RALYL: variants seen among roughly 807,000 people sequenced by gnomAD.
RALYL encodes RALY RNA binding protein like, also known as RNA-binding Raly-like protein.
A neutral mutation model predicts 35.1 loss-of-function variants in RALYL; 29 were observed. That is an observed-to-expected ratio of 0.83 (90% confidence interval 0.61 to 1.13). The LOEUF is 1.13. RALYL is among the 50% of genes most tolerant of loss of function. RALYL has a pLI of 0.00. For synonymous variants in RALYL, 120 were observed against 127.6 expected (o/e 0.94, Z 0.40); for missense variants, 359 against 360.4 (o/e 1.00, Z 0.03).
chr8:84,278,337 G>C lies in RALYL; in HGVS notation c.-24+93913G>C, dbSNP rs958781862. On this transcript the variant is annotated intron_variant, in intron 1 of 8. Coordinates refer to ENST00000521268, the MANE Select transcript of RALYL (RefSeq NM_173848.7). ...GTGCCATGTCCCAAAGCTGCATCAA[G>C]TGGGGTCCCTGGGCCTGGCCCAATA... Among the ~76,000 whole-genome samples the C allele has an allele frequency of 2.6e-5, 4 of 152,234 alleles. No individual in the cohort carries two copies. The East Asian group carries it at 7.7e-4, about 29-fold the overall frequency.
intron 2 of RALYL, among the ~76,000 whole-genome samples, chr8:84,612,564 T>C (rs1311967461): frequency 1.3e-5 from 2 of 151,852 alleles, no homozygotes; most frequent in African/African-American, 2.4e-5. Context: ...AGAAGAGAGA[T>C]GTGCAAGGAC....
rs546905501 is a variant in RALYL, at chr8:84,908,591, C to G, written c.859-12303C>G. On this transcript the variant is annotated intron_variant, in intron 8 of 8. Transcript: ENST00000521268. ...TGTATATATGCCACATTTTCTTTAT[C>G]CATTCACCCATTGTTAGAAACTCAG... is the stretch of plus-strand genomic sequence containing the variant. 2.1e-4 allele frequency among the ~76,000 whole-genome samples: 32 copies of G among 152,208 alleles called. No homozygotes were observed. The East Asian group carries it at 6.0e-3, about 28-fold the overall frequency.
intron 1 of RALYL, among the ~76,000 whole-genome samples, chr8:84,481,336 T>G (rs955884226): frequency 2.0e-5 from 3 of 152,180 alleles, no homozygotes; most frequent in African/African-American, 7.2e-5. Context: ...TTTGTTGCTG[T>G]TGTTTGTTTC....
chr8:84,746,196 A>T (rs1397319796), intron 2 of RALYL, among the ~76,000 whole-genome samples: 3 of 152,072 alleles, frequency 2.0e-5, no homozygotes, highest in African/African-American at 7.2e-5. Flanking sequence ...AAATCACTTG[A>T]GAGGAAATGT....
At chr8:84,264,384 A>G (rs1449027019) in intron 1 of RALYL, among the ~76,000 whole-genome samples, 1 of 145,406 alleles carries the variant, frequency 6.9e-6, no homozygotes, top group Non-Finnish European at 1.5e-5. Flanking sequence ...AGCTTTTTTC[A>G]TATGTTTCGT....
intron 1 of RALYL, among the ~76,000 whole-genome samples, chr8:84,232,698 A>G (rs964270201): frequency 1.1e-4 from 16 of 152,118 alleles, no homozygotes; most frequent in Admixed American, 4.6e-4. Flanking sequence ...ACAAAACTTC[A>G]TGTTGTTTTG....
intron 2 of RALYL, among the ~76,000 whole-genome samples, chr8:84,751,179 C>G (rs760715131): frequency 1.3e-5 from 2 of 152,162 alleles, no homozygotes; most frequent in Middle Eastern, 3.4e-3. Context: ...GTCTGACACC[C>G]AGTTGGTAAA....
At chr8:84,333,908 C>T (rs1847290791) in intron 1 of RALYL, among the ~76,000 whole-genome samples, 1 of 152,078 alleles carries the variant, frequency 6.6e-6, no homozygotes, top group Admixed American at 6.6e-5. Context: ...CCCCTTGGGA[C>T]ACGGTCTCAC....
At chr8:84,854,320 T>G (rs1836509496) in intron 5 of RALYL, among the ~76,000 whole-genome samples, 1 of 150,850 alleles carries the variant, frequency 6.6e-6, no homozygotes, top group Non-Finnish European at 1.5e-5. Flanking sequence ...CACTCCAGCC[T>G]GGGGACAGAG....
rs182278376 is a variant in RALYL, at chr8:84,604,172, A to G, written c.256+74595A>G. 5.9e-5 allele frequency among the ~76,000 whole-genome samples: 9 copies of G among 152,260 alleles called. No individual in the cohort carries two copies. The East Asian group carries it at 1.2e-3, about 20-fold the overall frequency. On this transcript the variant is annotated intron_variant, in intron 2 of 8. Transcript: ENST00000521268. ...TGACAGCACAGCTTTAGATTAATCTATTTGAATCTCTTACAATAAATAATC... is the reference window on the plus strand; with the variant it reads ...TGACAGCACAGCTTTAGATTAATCTGTTTGAATCTCTTACAATAAATAATC...
rs544449011 is a variant in RALYL at position 84,409,787 on chromosome 8, C to A, written c.-23-119512C>A. 1.6e-4 allele frequency among the ~76,000 whole-genome samples: 24 copies of A among 152,030 alleles called. No individual in the cohort carries two copies. The East Asian group carries it at 4.6e-3, about 29-fold the overall frequency. ...ACATTACCAGGTATCTCTATTTATT[C>A]TTTTAGAGCACAAATCCACTTTTTC... On this transcript the variant is annotated intron_variant, in intron 1 of 8. Transcript: ENST00000521268.
chr8:84,562,374 T>C (rs2061518854), intron 2 of RALYL, among the ~76,000 whole-genome samples: 1 of 151,998 alleles, frequency 6.6e-6, no homozygotes, highest in South Asian at 2.1e-4. Flanking sequence ...CTACGTTTAA[T>C]GGTATCAAAA....
At chr8:84,397,785 GC>G (rs141705580) in intron 1 of RALYL, among the ~76,000 whole-genome samples, 4,497 of 152,248 alleles carry the variant, frequency 0.03, 219 homozygotes, top group African/African-American at 0.1. Flanking sequence ...TCGCAGACAA[GC>G]AAAAAGCTGA....
At chr8:84,549,236 A>G (rs1054476436) in intron 2 of RALYL, among the ~76,000 whole-genome samples, 5 of 152,220 alleles carry the variant, frequency 3.3e-5, no homozygotes, top group Admixed American at 3.3e-4. Flanking sequence ...GAAAGTAGCC[A>G]AGTAAAACAA....
intron 1 of RALYL, among the ~76,000 whole-genome samples, chr8:84,448,308 A>G (rs1481743928): frequency 6.6e-6 from 1 of 152,078 alleles, no homozygotes; most frequent in African/African-American, 2.4e-5. Context: ...CAAGCCATAT[A>G]ACGTTGTGCC....
intron 5 of RALYL, among the ~76,000 whole-genome samples, chr8:84,851,702 C>T (rs1285567080): frequency 6.6e-6 from 1 of 152,074 alleles, no homozygotes; most frequent in East Asian, 1.9e-4. Context: ...ATGTTTCTTC[C>T]TGCCTCAGGT....
intron 2 of RALYL, among the ~76,000 whole-genome samples, chr8:84,746,782 C>A (rs1473842030): frequency 6.6e-6 from 1 of 151,738 alleles, no homozygotes; most frequent in Non-Finnish European, 1.5e-5. Flanking sequence ...ATAATAAAGT[C>A]ATTTAAAATA....
At chr8:84,308,285 C>A (rs1016660373) in intron 1 of RALYL, among the ~76,000 whole-genome samples, 2 of 152,054 alleles carry the variant, frequency 1.3e-5, no homozygotes, top group African/African-American at 4.8e-5. Flanking sequence ...TCGTATGCCT[C>A]TGTGAAGCAC....
intron 4 of RALYL, among the ~76,000 whole-genome samples, chr8:84,836,560 A>G (rs916495718): frequency 6.6e-6 from 1 of 152,242 alleles, no homozygotes; most frequent in Non-Finnish European, 1.5e-5. Flanking sequence ...ATATGTGTGC[A>G]TACGTATTGG....
Sources: gnomAD v4.1 joint callset for allele counts (sites outside exome capture counted in the v4.1 genomes callset) on GRCh38, gnomAD v4.1.1 for gene constraint, MANE v1.5 for transcripts, NCBI Gene and HGNC (gene_info 2026-07-23, HGNC 2026-07-21) for gene names.